Variants in PRR12 observed in about 807,000 individuals in gnomAD.
The protein encoded by PRR12 is proline-rich protein 12.
PRR12 carries 12 observed loss-of-function variants against 138.0 expected under a neutral mutation model. The ratio of observed to expected loss-of-function variants is 0.09; its 90% CI spans 0.06 to 0.14. The LOEUF (loss-of-function observed/expected upper bound fraction) is 0.14, where lower values mean the gene tolerates loss of function less well. Ranked by LOEUF, PRR12 falls within the 10% of genes least tolerant of loss-of-function variation. PRR12 has a pLI of 1.00. For missense variants in PRR12, 2,692 were observed against 2,861.3 expected (o/e 0.94, Z 1.35); for synonymous variants, 1,567 against 1,291.7 (o/e 1.21, Z -4.57).
chr19:49,600,916 G>C (rs2122314639), intron 5 of PRR12, among the ~76,000 whole-genome samples: 1 of 152,108 alleles, frequency 6.6e-6, no homozygotes, highest in East Asian at 1.9e-4. Flanking sequence ...GTAGAGACGG[G>C]GTTTCACCAT....
At chr19:49,621,219 G>A (rs1332882897) in intron 10 of PRR12, among the ~76,000 whole-genome samples, 1 of 146,080 alleles carries the variant, frequency 6.8e-6, no homozygotes, top group African/African-American at 2.6e-5. Context: ...GAGGGGCTGG[G>A]GGTCTGGACT....
Position 49,624,796 on chromosome 19 carries a change from G to A in PRR12, c.5722-48G>A, listed in dbSNP as rs748165941. 14 of 1,591,866 alleles carry A rather than the reference G, an allele frequency of 8.8e-6. No homozygotes were observed. In the Admixed American group the frequency reaches 1.6e-4, roughly 18 times the overall value. On this transcript the variant is annotated intron_variant, in intron 11 of 13. Coordinates refer to ENST00000418929, the MANE Select transcript of PRR12 (RefSeq NM_020719.3). ...CTGAGACCTGGCTGTTGGGTTTGGG[G>A]TTTATGGATCCAGGGCAGCATCCAG...
intron 6 of PRR12, 111 bp downstream of exon 6, chr19:49,602,029 G>C: frequency 7.4e-7 from 1 of 1,352,934 alleles, no homozygotes; most frequent in Non-Finnish European, 1.0e-6. Flanking sequence ...AGTCGTGGCC[G>C]GGCCGCCCTG....
chr19:49,615,921 C>T lies in PRR12; in HGVS notation c.5199C>T (p.Ser1733=). Residue 1733 remains serine (S), a synonymous_variant, in exon 9 of 14, where the codon TCC becomes TCT. Transcript: ENST00000418929. ...AGCCCCCTGCCCCCGAGAAGCCCTC[C>T]CTCCTGCGGCCTGTTGAGAAGGAAA... The part of the protein sequence containing the change: ...MPEPPAPEKP[S]LLRPVEKEKE... 32 of 1,558,190 alleles carry T rather than the reference C, an allele frequency of 2.1e-5. No homozygotes were observed. Among genetic ancestry groups the T allele is most frequent in the Non-Finnish European group, 2.7e-5 (31 of 1,150,774 alleles).
At position 49,614,699 on chromosome 19, in the gene PRR12, C is replaced by G; in HGVS notation, c.4890+50C>G. ...ACTTGGGGGCCCCGGGGCGTGGTAT[C>G]TAGGAGCTGGGGTTCCCCTTAGTGT... On this transcript the variant is annotated intron_variant, in intron 7 of 13. Transcript: ENST00000418929. This position sits in a 1 kb window ranked among gnomAD's most constrained non-coding sequence, Gnocchi z 5.0. 6.6e-7 allele frequency: 1 copy of G among 1,509,806 alleles called. No individual in the cohort carries two copies. The highest frequency in any genetic ancestry group is 9.0e-7 in the Non-Finnish European group (1 of 1,112,608). The allele number at this position is 1,509,806 out of a possible 1,614,324, so 93.5% of individuals were successfully genotyped here. A position where few individuals can be genotyped will look rare whatever the true frequency, so the allele number is the denominator to read the frequency against.
At chr19:49,624,695 C>G in intron 11 of PRR12, 149 bp from the exon 12 acceptor site, 1 of 1,218,832 alleles carries the variant, frequency 8.2e-7, no homozygotes, top group Non-Finnish European at 1.1e-6. Flanking sequence ...CTGGTCAGGC[C>G]CAGCCTCCTC....
Position 49,594,629 on chromosome 19 carries a change from C to T in PRR12, c.361+14C>T, listed in dbSNP as rs562655262. 1.4e-5 allele frequency: 22 copies of T among 1,611,246 alleles called. No homozygotes were observed. In the African/African-American group the frequency reaches 2.3e-4, roughly 17 times the overall value. On this transcript the variant is annotated intron_variant, in intron 3 of 13. Transcript: ENST00000418929. The surrounding 1 kb of genome is among the most constrained non-coding windows in gnomAD (Gnocchi z 5.6). ...CCTGGCAAACAGGTAAGCCCAGCGC[C>T]GGCCCTGCAGGGCCAGGGTGGGACT... is the stretch of plus-strand genomic sequence containing the variant.
chr19:49,599,249 C>G lies in PRR12; in HGVS notation c.3679-23C>G. On this transcript the variant is annotated intron_variant, in intron 4 of 13. Coordinates refer to ENST00000418929, the MANE Select transcript of PRR12 (RefSeq NM_020719.3). The surrounding 1 kb of genome is among the most constrained non-coding windows in gnomAD (Gnocchi z 5.0). The stretch of plus-strand genomic sequence containing the variant: ...GGGGGCCCAGGCTACTGGGCCCTCA[C>G]GGCCCGCCACTCCCATGTCTAGATC... 1 of 1,537,308 alleles carries G rather than the reference C, an allele frequency of 6.5e-7. No homozygotes were observed. Among genetic ancestry groups the G allele is most frequent in the Non-Finnish European group, 8.7e-7 (1 of 1,144,078 alleles).
rs1303656359 is a variant in PRR12 at position 49,595,775 on chromosome 19, A to G, written c.1440A>G (p.Pro480=). The change falls in exon 4 of 14, where the codon CCA becomes CCG. Residue 480 remains proline (P), a synonymous_variant. Transcript: ENST00000418929. Reference sequence around the variant, plus strand: ...CCCCCAGCTACTCAGGGGGCCCCCCACAGCCCCCCAGCGGCCCCCCTCCTC... The same window carrying G: ...CCCCCAGCTACTCAGGGGGCCCCCCGCAGCCCCCCAGCGGCCCCCCTCCTC... The part of the protein sequence containing the change: ...SKAPSYSGGP[P]QPPSGPPPPG... 11 of 1,599,794 alleles carry G rather than the reference A, an allele frequency of 6.9e-6. No individual in the cohort carries two copies. Among genetic ancestry groups the G allele is most frequent in the Non-Finnish European group, 9.4e-6 (11 of 1,174,360 alleles).
At position 49,597,985 on chromosome 19, in the gene PRR12, C is replaced by T; in HGVS notation, c.3650C>T (p.Thr1217Ile). ...RGRKAEEAGGTRLEPLKPLKI... is the reference protein window; with the variant it reads ...RGRKAEEAGGIRLEPLKPLKI... ...CGAAAGGCTGAGGAGGCAGGGGGCA[C>T]CCGGTTGGAGCCCCTGAAGCCACTT... is the stretch of plus-strand genomic sequence containing the variant. The change falls in exon 4 of 14, where the codon ACC (threonine) becomes ATC (isoleucine). Residue 1217 changes from threonine (T) to isoleucine (I), a missense_variant. Transcript: ENST00000418929. This position sits in a 1 kb window ranked among gnomAD's most constrained non-coding sequence, Gnocchi z 6.3. 8 of 1,388,264 alleles carry T rather than the reference C, an allele frequency of 5.8e-6. No individual in the cohort carries two copies. Among genetic ancestry groups the T allele is most frequent in the South Asian group, 1.8e-5 (1 of 54,258 alleles). 86.0% of individuals were successfully genotyped at this position (1,388,264 alleles called of 1,614,324 possible). A position where few individuals can be genotyped will look rare whatever the true frequency, so the allele number is the denominator to read the frequency against.
intron 5 of PRR12, among the ~76,000 whole-genome samples, chr19:49,600,400 T>G (rs2080803515): frequency 6.6e-6 from 1 of 151,138 alleles, no homozygotes; most frequent in South Asian, 2.1e-4. Flanking sequence ...TTGGACACAG[T>G]TTAAGGAGTG....
Position 49,616,097 on chromosome 19 carries a change from A to C in PRR12, c.5375A>C (p.Glu1792Ala). Residue 1792 changes from glutamate to alanine, a missense_variant, in exon 9 of 14, where the codon GAA (glutamate) becomes GCA (alanine). Coordinates refer to ENST00000418929, the MANE Select transcript of PRR12 (RefSeq NM_020719.3). The surrounding 1 kb of genome is among the most constrained non-coding windows in gnomAD (Gnocchi z 4.2). Reference protein sequence around the residue: ...PKARPTKVKAEPPPKKRKKWL... With the variant: ...PKARPTKVKAAPPPKKRKKWL... ...GCCCGGCCTACCAAGGTGAAGGCTG[A>C]ACCGCCCCCTAAGAAGAGGAAGAAA... 1 of 1,568,228 alleles carries C rather than the reference A, an allele frequency of 6.4e-7. No individual in the cohort carries two copies. The highest frequency in any genetic ancestry group is 1.9e-5 in the Admixed American group (1 of 53,164).
In PRR12 at chr19:49,622,924, T is replaced by TAG. The variant is rs1296077375; in HGVS notation, c.5721+1303_5721+1304insGA. ...AAACAAAAACATATATATATATATA[T>TAG]ATATAGAGAGAGAGAGAGAGAGAGA... On this transcript the variant is annotated intron_variant, in intron 11 of 13. Coordinates refer to ENST00000418929, the MANE Select transcript of PRR12 (RefSeq NM_020719.3). 6.1e-3 allele frequency among the ~76,000 whole-genome samples: 516 copies of TAG among 84,700 alleles called. 6 individuals carry two copies. Among genetic ancestry groups the TAG allele is most frequent in the Admixed American group, 0.014 (132 of 9,328 alleles). 55.6% of individuals were successfully genotyped at this position (84,700 alleles called of 152,430 possible).
intron 1 of PRR12, among the ~76,000 whole-genome samples, chr19:49,592,215 C>G (rs895482804): frequency 2.6e-5 from 4 of 152,348 alleles, no homozygotes; most frequent in Admixed American, 1.3e-4. Context: ...GGCGCCCCCC[C>G]AAGAATTCCG....
At position 49,595,042 on chromosome 19, in the gene PRR12, C is replaced by T. The variant is rs1285957935; in HGVS notation, c.707C>T (p.Pro236Leu). 4 of 1,609,790 alleles carry T rather than the reference C, an allele frequency of 2.5e-6. No individual in the cohort carries two copies. Among genetic ancestry groups the T allele is most frequent in the Non-Finnish European group, 3.4e-6 (4 of 1,178,956 alleles). The change falls in exon 4 of 14, where the codon CCA becomes CTA. Residue 236 changes from proline (P) to leucine (L), a missense_variant. This residue lies in a region of PRR12 where 523 missense variants were observed against 496.4 expected (regional missense o/e 1.05). Transcript: ENST00000418929. ...CGCCCTGGCCCCCCAGACCCACCAC[C>T]ACCTCCTCGCCACCTCCCAACTCAG... ...PYRPGPPDPPPPPRHLPTQFN... is the reference protein window; with the variant it reads ...PYRPGPPDPPLPPRHLPTQFN...
chr19:49,624,729 G>A (rs182069246), intron 11 of PRR12, 115 bp from the exon 12 acceptor site: 2 of 1,445,468 alleles, frequency 1.4e-6, no homozygotes, highest in Admixed American at 2.5e-5. Flanking sequence ...GACTCTAGTT[G>A]TCTCTCCTGA....
intron 6 of PRR12, among the ~76,000 whole-genome samples, chr19:49,604,976 C>T (rs917963784): frequency 1.3e-5 from 2 of 152,026 alleles, no homozygotes; most frequent in East Asian, 1.9e-4. Flanking sequence ...CTCAGCCTCT[C>T]GAGTAGCTGG....
rs563264169 is a variant in PRR12 at position 49,594,159 on chromosome 19, C to T, written c.200-295C>T. On this transcript the variant is annotated intron_variant, in intron 2 of 13. Coordinates refer to ENST00000418929, the MANE Select transcript of PRR12 (RefSeq NM_020719.3). The surrounding 1 kb of genome is among the most constrained non-coding windows in gnomAD (Gnocchi z 5.6). Reference sequence around the variant, plus strand: ...TACTGAGGACTCTGTTCTTTTGCTCCTGGCTCTTTCGCTTCTAGATTTTTC... The same window carrying T: ...TACTGAGGACTCTGTTCTTTTGCTCTTGGCTCTTTCGCTTCTAGATTTTTC... 6.6e-6 allele frequency among the ~76,000 whole-genome samples: 1 copy of T among 152,336 alleles called. No homozygotes were observed. The highest frequency in any genetic ancestry group is 2.1e-4 in the South Asian group (1 of 4,828).
intron 1 of PRR12, among the ~76,000 whole-genome samples, chr19:49,593,120 C>A (rs1433036489): frequency 6.6e-6 from 1 of 152,120 alleles, no homozygotes; most frequent in Non-Finnish European, 1.5e-5. Flanking sequence ...TTTATTCGGG[C>A]TCTGGAGTGG....
Sources: allele counts gnomAD v4.1 joint callset (sites outside exome capture counted in the v4.1 genomes callset), GRCh38; gene constraint gnomAD v4.1.1; regional missense constraint gnomAD v4.1.1; non-coding constraint Gnocchi (gnomAD v3.1); transcripts MANE v1.5; gene names NCBI Gene and HGNC (gene_info 2026-07-23, HGNC 2026-07-21).